Variants in C4orf51 observed in about 807,000 individuals in gnomAD.
C4orf51 encodes uncharacterized protein C4orf51.
C4orf51 carries 25 observed loss-of-function variants against 25.2 expected under a neutral mutation model. That is an observed-to-expected ratio of 0.99 (90% CI 0.72 to 1.39). C4orf51 has a LOEUF of 1.39. C4orf51 is among the 40% of genes most tolerant of loss of function. The pLI is 0.00. For synonymous variants in C4orf51, 100 were observed against 84.5 expected (o/e 1.18, Z -1.01); for missense variants, 252 against 239.6 (o/e 1.05, Z -0.34).
At chr4:145,778,134 A>T in the C4orf51 span, among the ~76,000 whole-genome samples, 1 of 152,004 alleles carries the variant, frequency 6.6e-6, no homozygotes, top group Non-Finnish European at 1.5e-5. Flanking sequence ...TCTACAAAAA[A>T]CTTTTTGTTT....
At chr4:145,773,133 C>T (rs1036498893), downstream of C4orf51, among the ~76,000 whole-genome samples, 2 of 152,184 alleles carry the variant, frequency 1.3e-5, no homozygotes, top group Non-Finnish European at 2.9e-5. Context: ...ATCTGAAAAG[C>T]CAGTGGTAAT....
chr4:145,727,386 T>C (rs1732122909), intron 3 of C4orf51, among the ~76,000 whole-genome samples: 2 of 152,196 alleles, frequency 1.3e-5, no homozygotes, highest in African/African-American at 4.8e-5. Context: ...TAAATGTCTC[T>C]CTATACTTAT....
At chr4:145,692,943 TAA>T (rs1375416609) in intron 1 of C4orf51, among the ~76,000 whole-genome samples, 1 of 141,648 alleles carries the variant, frequency 7.1e-6, no homozygotes, top group Admixed American at 7.2e-5. Flanking sequence ...CCGCTGATAT[TAA>T]GTTTTTAGTT....
intron 1 of C4orf51, among the ~76,000 whole-genome samples, chr4:145,742,507 T>C (rs978489535): frequency 1.3e-5 from 2 of 151,732 alleles, no homozygotes; most frequent in African/African-American, 4.8e-5. Flanking sequence ...TTCAGTTTTC[T>C]ACACGACAGC....
chr4:145,779,916 C>G, the C4orf51 span, among the ~76,000 whole-genome samples: 198 of 152,354 alleles, frequency 1.3e-3, 1 homozygote, highest in African/African-American at 4.5e-3. Flanking sequence ...GTAGGCTGGG[C>G]TTGGTCACTT....
intron 2 of C4orf51, among the ~76,000 whole-genome samples, chr4:145,699,489 C>G (rs1560829690): frequency 6.6e-6 from 1 of 152,092 alleles, no homozygotes; most frequent in Non-Finnish European, 1.5e-5. Flanking sequence ...TCCTTTCAAT[C>G]TTGGCGCCAC....
downstream of C4orf51, among the ~76,000 whole-genome samples, chr4:145,757,136 A>G (rs143217595): frequency 6.6e-5 from 10 of 152,312 alleles, no homozygotes; most frequent in African/African-American, 2.4e-4. Context: ...TTTCTCTGGT[A>G]CCTTCCCTTG....
rs761443707 is a variant in C4orf51 at position 145,717,808 on chromosome 4, G to C, written c.308-9103G>C. Among the ~76,000 whole-genome samples the C allele has an allele frequency of 4.6e-5, 7 of 152,206 alleles. No homozygotes were observed. In the South Asian group the frequency reaches 6.2e-4, roughly 14 times the overall value. On this transcript the variant is annotated intron_variant, in intron 2 of 5. Transcript: ENST00000438731. ...AATTTTCTTTCCAAGGGTTTGATTT[G>C]GTTGTAGCTTTTCTGACCTGATTCC...
chr4:145,755,392 T>G (rs1405756344), downstream of C4orf51, among the ~76,000 whole-genome samples: 1 of 152,232 alleles, frequency 6.6e-6, no homozygotes, highest in African/African-American at 2.4e-5. Flanking sequence ...TTGAAGCAGA[T>G]TCTCTGCTCC....
At position 145,763,131 on chromosome 4, in the gene C4orf51, A is replaced by G. The variant is rs1734785719; in HGVS notation, n.167-7857A>G. On this transcript the variant is annotated intron_variant and non_coding_transcript_variant, in intron 1 of 1. Transcript: ENST00000510096. The surrounding 1 kb of genome is among the most constrained non-coding windows in gnomAD (Gnocchi z 4.6). ...CTCACCACTGTCCTGAGCTACGGCA[A>G]AAGAAAAATAATAGTATAATCTTAT... The G allele has an allele frequency of 6.5e-7, 1 of 1,536,120 alleles. No individual in the cohort carries two copies. The highest frequency in any genetic ancestry group is 1.4e-5 in the African/African-American group (1 of 73,174).
At chr4:145,774,757 C>T, downstream of C4orf51, 1 of 1,420,458 alleles carries the variant, frequency 7.0e-7, no homozygotes, top group Non-Finnish European at 9.6e-7. Context: ...ATACACAGTA[C>T]ACTCAAGAAA....
In C4orf51 at chr4:145,762,879, G is replaced by A. The variant is rs113837232; in HGVS notation, n.167-8109G>A. ...CTCAGCTCTTGCTTGGCTCCTGCAGGGCAGGGCTCAGGAGTGGACTGTCCT... is the reference window on the plus strand; with the variant it reads ...CTCAGCTCTTGCTTGGCTCCTGCAGAGCAGGGCTCAGGAGTGGACTGTCCT... On this transcript the variant is annotated intron_variant and non_coding_transcript_variant, in intron 1 of 1. Coordinates refer to the C4orf51 transcript ENST00000510096. This position sits in a 1 kb window ranked among gnomAD's most constrained non-coding sequence, Gnocchi z 4.9. Among the ~76,000 whole-genome samples, 174 of 152,332 alleles carry A rather than the reference G, an allele frequency of 1.1e-3. No homozygotes were observed. Among genetic ancestry groups the A allele is most frequent in the African/African-American group, 3.9e-3 (164 of 41,568 alleles).
intron 2 of C4orf51, among the ~76,000 whole-genome samples, chr4:145,724,600 A>G (rs76760744): frequency 6.6e-6 from 1 of 152,186 alleles, no homozygotes; most frequent in Non-Finnish European, 1.5e-5. Context: ...TAAAAAATCA[A>G]TCTGGGCACC....
At chr4:145,733,322 TC>T (rs149861688), downstream of C4orf51, among the ~76,000 whole-genome samples, 2 of 151,610 alleles carry the variant, frequency 1.3e-5, no homozygotes, top group African/African-American at 4.8e-5. Flanking sequence ...TCCTGCTGAT[TC>T]CCCCCCACCA....
In C4orf51 at chr4:145,706,024, AGCC is replaced by A. The variant is rs1315459068; in HGVS notation, c.307+9393_307+9395del. Among the ~76,000 whole-genome samples, 178 of 152,260 alleles carry A rather than the reference AGCC, an allele frequency of 1.2e-3. 1 individual carries two copies. Among genetic ancestry groups the A allele is most frequent in the African/African-American group, 3.7e-3 (154 of 41,560 alleles). Reference sequence around the variant, plus strand: ...ATCCGTCTTATTTCTTCTGAGCTGCAGCCAGAGATCACTGGTTGGTTCACAGGA... The same window carrying A: ...ATCCGTCTTATTTCTTCTGAGCTGCAAGAGATCACTGGTTGGTTCACAGGA... On this transcript the variant is annotated intron_variant, in intron 2 of 5. Transcript: ENST00000438731.
At chr4:145,682,754 A>G (rs1728912425) in intron 1 of C4orf51, among the ~76,000 whole-genome samples, 2 of 152,178 alleles carry the variant, frequency 1.3e-5, no homozygotes, top group African/African-American at 4.8e-5. Context: ...AATTAGTGTG[A>G]TACAGACCTT....
chr4:145,778,307 T>C, the C4orf51 span, among the ~76,000 whole-genome samples: 1 of 152,286 alleles, frequency 6.6e-6, no homozygotes, highest in African/African-American at 2.4e-5. Context: ...CTAATTTTTG[T>C]ATTTTTAGTA....
intron 1 of C4orf51, among the ~76,000 whole-genome samples, chr4:145,695,175 A>G (rs1485916078): frequency 6.6e-6 from 1 of 152,228 alleles, no homozygotes; most frequent in African/African-American, 2.4e-5. Context: ...TGCTTTCCAC[A>G]GTGGTTGAAC....
At chr4:145,739,889 G>C (rs78357294) in intron 1 of C4orf51, among the ~76,000 whole-genome samples, 4,170 of 152,230 alleles carry the variant, frequency 0.027, 196 homozygotes, top group African/African-American at 0.094. Context: ...TAGATTTTGA[G>C]ATATGCATAG....
Sources: gnomAD v4.1 joint callset for allele counts (sites outside exome capture counted in the v4.1 genomes callset) on GRCh38, gnomAD v4.1.1 for gene constraint, Gnocchi (gnomAD v3.1) non-coding constraint, MANE v1.5 for transcripts, NCBI Gene and HGNC (gene_info 2026-07-23, HGNC 2026-07-21) for gene names.